ENTHD1: variants seen among roughly 807,000 people sequenced by gnomAD.
The protein encoded by ENTHD1 is ENTH domain-containing protein 1.
A neutral mutation model predicts 39.1 loss-of-function variants in ENTHD1; 23 were observed. The ratio of observed to expected loss-of-function variants is 0.59; its 90% CI spans 0.42 to 0.83. The LOEUF (loss-of-function observed/expected upper bound fraction) is 0.83, where lower values mean the gene tolerates loss of function less well. Ranked by LOEUF, ENTHD1 falls within the 40% of genes least tolerant of loss-of-function variation. The pLI is 0.00. For synonymous variants in ENTHD1, 230 were observed against 258.2 expected, an observed-to-expected ratio of 0.89 and a Z score of 1.05; for missense variants, 624 against 705.4, an observed-to-expected ratio of 0.88 and a Z score of 1.31.
intron 5 of ENTHD1, among the ~76,000 whole-genome samples, chr22:39,809,737 C>T (rs2065671222): frequency 6.6e-6 from 1 of 152,126 alleles, no homozygotes; most frequent in Non-Finnish European, 1.5e-5. Flanking sequence ...GCTGAGATGA[C>T]CAGGGATAAC....
chr22:39,816,555 G>C (rs2065735076), intron 5 of ENTHD1, among the ~76,000 whole-genome samples: 1 of 152,150 alleles, frequency 6.6e-6, no homozygotes, highest in Non-Finnish European at 1.5e-5. Context: ...TTTAGTGCAG[G>C]TTAAAGAGTC....
At chr22:39,830,718 A>AAGAC (rs1471260841) in intron 4 of ENTHD1, among the ~76,000 whole-genome samples, 6 of 152,188 alleles carry the variant, frequency 3.9e-5, no homozygotes, top group Non-Finnish European at 5.9e-5. Flanking sequence ...GCAATGAATA[A>AAGAC]AGACTAAACA....
At chr22:39,747,015 G>A (rs965085448) in intron 6 of ENTHD1, among the ~76,000 whole-genome samples, 3 of 152,190 alleles carry the variant, frequency 2.0e-5, no homozygotes, top group Non-Finnish European at 2.9e-5. Context: ...TTAGAAACAG[G>A]ACCTTGCTCT....
At position 39,743,786 on chromosome 22, in the gene ENTHD1, G is replaced by T. The variant is rs769026309; in HGVS notation, c.1717C>A (p.Leu573Ile). 1 of 1,614,124 alleles carries T rather than the reference G, an allele frequency of 6.2e-7. No homozygotes were observed. The highest frequency in any genetic ancestry group is 1.7e-5 in the Admixed American group (1 of 60,018). The change falls in exon 7 of 7, where the codon CTT (leucine) becomes ATT (isoleucine). Residue 573 changes from leucine (L) to isoleucine (I), a missense_variant. Physicochemically the swap from Leu to Ile is conservative, Grantham distance 5. Coordinates refer to ENST00000325157, the MANE Select transcript of ENTHD1 (RefSeq NM_152512.4). ...HEDLSTVIQE[L>I]NVINNILMSM... ...ATCAAGATGTTATTGATGACATTAA[G>T]TTCTTGGATCACTGTGCTCAGATCT... is the stretch of plus-strand genomic sequence containing the variant.
intron 6 of ENTHD1, among the ~76,000 whole-genome samples, chr22:39,763,331 G>A (rs1271553946): frequency 6.6e-6 from 1 of 152,094 alleles, no homozygotes; most frequent in Non-Finnish European, 1.5e-5. Flanking sequence ...CATCCTGAAC[G>A]CATGTAGCTT....
chr22:39,756,316 T>TCTCTCTCTCTCTCACACA (rs1433242336), intron 6 of ENTHD1, among the ~76,000 whole-genome samples: 2 of 138,012 alleles, frequency 1.4e-5, no homozygotes, highest in African/African-American at 5.5e-5. Context: ...TCTCTCTCTC[T>TCTCTCTCTCTCTCACACA]CACACACACA....
At chr22:39,744,434 TA>T (rs1785194129) in intron 6 of ENTHD1, 151 bp from the exon 7 acceptor site, 1 of 654,058 alleles carries the variant, frequency 1.5e-6, no homozygotes, top group Non-Finnish European at 2.3e-6. Context: ...ATAATAAGCT[TA>T]AAAAAACCCA....
chr22:39,798,951 C>T (rs2065575662), intron 5 of ENTHD1, among the ~76,000 whole-genome samples: 1 of 152,176 alleles, frequency 6.6e-6, no homozygotes, highest in Non-Finnish European at 1.5e-5. Context: ...TGGGTGGGCT[C>T]ATCCTCAGGC....
At chr22:39,890,375 A>G (rs917682257) in intron 1 of ENTHD1, among the ~76,000 whole-genome samples, 4 of 151,078 alleles carry the variant, frequency 2.6e-5, no homozygotes, top group Admixed American at 6.6e-5. Flanking sequence ...TTTTTTTTCT[A>G]TTGTCCTTTT....
chr22:39,794,420 C>A (rs965055462), intron 5 of ENTHD1, among the ~76,000 whole-genome samples: 2 of 152,122 alleles, frequency 1.3e-5, no homozygotes, highest in Non-Finnish European at 2.9e-5. Context: ...AATTTTACTT[C>A]TTTTCCAATT....
intron 5 of ENTHD1, among the ~76,000 whole-genome samples, chr22:39,806,196 C>A (rs191539194): frequency 6.6e-6 from 1 of 152,228 alleles, no homozygotes; most frequent in Admixed American, 6.5e-5. Context: ...TAAATAATAT[C>A]GGGGCCAGTG....
chr22:39,861,065 A>G (rs1340779243), intron 3 of ENTHD1, among the ~76,000 whole-genome samples: 1 of 152,230 alleles, frequency 6.6e-6, no homozygotes, highest in Non-Finnish European at 1.5e-5. Context: ...ACAGGATCAA[A>G]GAGACCTCAT....
chr22:39,871,599 A>C (rs1422288819), intron 2 of ENTHD1, among the ~76,000 whole-genome samples: 1 of 152,226 alleles, frequency 6.6e-6, no homozygotes, highest in Admixed American at 6.5e-5. Context: ...TGAAAGGGCT[A>C]AACTGGTTGC....
intron 5 of ENTHD1, among the ~76,000 whole-genome samples, chr22:39,795,921 C>T (rs1401903570): frequency 6.6e-6 from 1 of 151,936 alleles, no homozygotes. Flanking sequence ...TGTTATGTCT[C>T]CTTTTTCATT....
chr22:39,824,043 G>A (rs1233026839), intron 4 of ENTHD1, among the ~76,000 whole-genome samples: 1 of 151,982 alleles, frequency 6.6e-6, no homozygotes, highest in African/African-American at 2.4e-5. Context: ...CCAGATATTA[G>A]TCCTTTGCCA....
At chr22:39,794,287 CTGATTTTTGTATGT>C (rs1290100874) in intron 5 of ENTHD1, among the ~76,000 whole-genome samples, 4 of 152,116 alleles carry the variant, frequency 2.6e-5, no homozygotes, top group East Asian at 1.9e-4. Flanking sequence ...AGAAATGCTA[CTGATTTTTGTATGT>C]TGATTTTTGT....
At chr22:39,870,855 T>G (rs1234690971) in intron 2 of ENTHD1, among the ~76,000 whole-genome samples, 1 of 152,078 alleles carries the variant, frequency 6.6e-6, no homozygotes, top group Non-Finnish European at 1.5e-5. Context: ...TAGGGACAAG[T>G]AGAGGGTGAC....
chr22:39,850,390 A>G (rs1294441177), intron 3 of ENTHD1, among the ~76,000 whole-genome samples: 1 of 152,106 alleles, frequency 6.6e-6, no homozygotes, highest in African/African-American at 2.4e-5. Context: ...TTTAGTTTGT[A>G]TATGCCTGAC....
At chr22:39,832,882 G>T (rs973497283) in intron 4 of ENTHD1, among the ~76,000 whole-genome samples, 1 of 152,188 alleles carries the variant, frequency 6.6e-6, no homozygotes, top group Non-Finnish European at 1.5e-5. Flanking sequence ...AGGAAGAAAA[G>T]TATCATAATG....
Sources: allele counts gnomAD v4.1 joint callset (sites outside exome capture counted in the v4.1 genomes callset), GRCh38; gene constraint gnomAD v4.1.1; transcripts MANE v1.5; gene names NCBI Gene and HGNC (gene_info 2026-07-23, HGNC 2026-07-21).